UNC79: variants seen among roughly 807,000 people sequenced by gnomAD.
The protein encoded by UNC79 is protein unc-79 homolog.
A neutral mutation model predicts 283.1 loss-of-function variants in UNC79; 37 were observed. That is an observed-to-expected ratio of 0.13 (90% confidence interval 0.10 to 0.17). The LOEUF is 0.17. Ranked by LOEUF, UNC79 falls within the 10% of genes least tolerant of loss-of-function variation. The pLI is 1.00. For missense variants in UNC79, 2,272 were observed against 3,211.1 expected, an observed-to-expected ratio of 0.71 and a Z score of 7.07; for synonymous variants, 1,107 against 1,200.2, an observed-to-expected ratio of 0.92 and a Z score of 1.61.
intron 16 of UNC79, among the ~76,000 whole-genome samples, chr14:93,574,177 G>T (rs1235870821): frequency 7.6e-6 from 1 of 132,236 alleles, no homozygotes; most frequent in African/African-American, 2.7e-5. Flanking sequence ...TGCTCTTTGG[G>T]GATAAGCCCA....
chr14:93,541,949 G>A (rs2061397284), intron 13 of UNC79, among the ~76,000 whole-genome samples: 1 of 146,102 alleles, frequency 6.8e-6, no homozygotes, highest in Admixed American at 7.0e-5. Flanking sequence ...AGCTTGCAGT[G>A]AGCCGAGATC....
At chr14:93,643,365 A>G (rs943319) in intron 33 of UNC79, among the ~76,000 whole-genome samples, 192 bp from the exon 37 acceptor site, 111,199 of 152,044 alleles carry the variant, frequency 0.73, 41,303 homozygotes, top group African/African-American at 0.85. Context: ...CGTGGTCTCT[A>G]CCATGTGTGC....
At chr14:93,556,452 A>G (rs2062178762) in intron 14 of UNC79, among the ~76,000 whole-genome samples, 2 of 152,200 alleles carry the variant, frequency 1.3e-5, no homozygotes, top group Non-Finnish European at 2.9e-5. Context: ...CAGGTAACAT[A>G]ATGCAAAACA....
intron 10 of UNC79, among the ~76,000 whole-genome samples, chr14:93,532,327 T>A (rs1417098849): frequency 6.8e-6 from 1 of 147,104 alleles, no homozygotes. Flanking sequence ...AAAAATTAGC[T>A]GGGCATGGAA....
At chr14:93,486,657 G>T (rs7141036) in intron 4 of UNC79, among the ~76,000 whole-genome samples, 1 of 138,974 alleles carries the variant, frequency 7.2e-6, no homozygotes, top group African/African-American at 2.7e-5. Flanking sequence ...TCTGTCTAAG[G>T]AAAAAAAAAA....
chr14:93,488,875 C>A (rs1337221025), intron 5 of UNC79, among the ~76,000 whole-genome samples: 1 of 152,178 alleles, frequency 6.6e-6, no homozygotes, highest in Non-Finnish European at 1.5e-5. Context: ...GCCCTAATGA[C>A]CTAATTACTT....
intron 40 of UNC79, among the ~76,000 whole-genome samples, chr14:93,665,848 T>C (rs2072140771): frequency 1.3e-5 from 2 of 152,082 alleles, no homozygotes; most frequent in South Asian, 4.1e-4. Flanking sequence ...TAATAGATTC[T>C]TACTGAAACA....
chr14:93,423,568 C>T (rs1185966772), intron 1 of UNC79, among the ~76,000 whole-genome samples: 1 of 152,196 alleles, frequency 6.6e-6, no homozygotes, highest in Non-Finnish European at 1.5e-5. Flanking sequence ...CATACATCTA[C>T]AGTGAATTCA....
chr14:93,508,635 T>C (rs1393411639), intron 7 of UNC79, among the ~76,000 whole-genome samples: 1 of 152,250 alleles, frequency 6.6e-6, no homozygotes, highest in South Asian at 2.1e-4. Flanking sequence ...TTTGAATTTT[T>C]TTATGCCATT....
intron 29 of UNC79, among the ~76,000 whole-genome samples, chr14:93,620,032 T>C (rs1188513928): frequency 6.6e-6 from 1 of 152,238 alleles, no homozygotes; most frequent in Non-Finnish European, 1.5e-5. Context: ...TTTTGGGGTT[T>C]ATCTTGGATT....
At chr14:93,637,084 C>A in intron 31 of UNC79, 132 bp from the exon 35 acceptor site, 1 of 697,408 alleles carries the variant, frequency 1.4e-6, no homozygotes, top group South Asian at 1.6e-5. Context: ...AGGATGTGTT[C>A]TGTAAATGTT....
chr14:93,450,028 A>C (rs1012247015), intron 1 of UNC79, among the ~76,000 whole-genome samples: 3 of 152,282 alleles, frequency 2.0e-5, no homozygotes, highest in Admixed American at 2.0e-4. Context: ...TCTAAATTCA[A>C]CTTCCTTGAG....
chr14:93,410,662 C>A (rs2140047892), intron 1 of UNC79, among the ~76,000 whole-genome samples: 1 of 152,158 alleles, frequency 6.6e-6, no homozygotes, highest in South Asian at 2.1e-4. Context: ...AGTAATGAGG[C>A]CCCCTTTCTA....
At chr14:93,657,818 G>A (rs1262269139) in intron 38 of UNC79, among the ~76,000 whole-genome samples, 1 of 152,212 alleles carries the variant, frequency 6.6e-6, no homozygotes, top group Non-Finnish European at 1.5e-5. Flanking sequence ...AAGGAGAAAA[G>A]ATAATAAGGA....
At chr14:93,502,650 G>A (rs1038911819) in intron 7 of UNC79, among the ~76,000 whole-genome samples, 1 of 152,140 alleles carries the variant, frequency 6.6e-6, no homozygotes, top group Non-Finnish European at 1.5e-5. Flanking sequence ...TTTAGCCTTT[G>A]TTAGTAAGGA....
Position 93,404,493 on chromosome 14 carries a change from A to T in UNC79, c.-350-63178A>T, listed in dbSNP as rs201421534. Reference sequence around the variant, plus strand: ...TGACAGAGTGAGACCTTCTAAAAAAAATATATATATATATATATATAAATA... The same window carrying T: ...TGACAGAGTGAGACCTTCTAAAAAATATATATATATATATATATATAAATA... On this transcript the variant is annotated intron_variant, in intron 1 of 49. Coordinates refer to the UNC79 transcript ENST00000256339. Among the ~76,000 whole-genome samples the T allele has an allele frequency of 5.4e-4, 33 of 61,504 alleles. 2 individuals carry two copies. Among genetic ancestry groups the T allele is most frequent in the East Asian group, 4.2e-3 (15 of 3,606 alleles). The allele number at this position is 61,504 out of a possible 152,430, so 40.3% of individuals were successfully genotyped here. A position where few individuals can be genotyped will look rare whatever the true frequency, so the allele number is the denominator to read the frequency against.
At chr14:93,682,134 T>C (rs2073896105) in intron 41 of UNC79, among the ~76,000 whole-genome samples, 1 of 152,034 alleles carries the variant, frequency 6.6e-6, no homozygotes, top group Non-Finnish European at 1.5e-5. Flanking sequence ...AGGATACATG[T>C]GGATGAATAG....
intron 43 of UNC79, among the ~76,000 whole-genome samples, chr14:93,687,266 G>A (rs1441792349): frequency 6.6e-6 from 1 of 152,170 alleles, no homozygotes; most frequent in Non-Finnish European, 1.5e-5. Context: ...CTTGATGAAA[G>A]GGGATAGAAC....
At chr14:93,357,402 G>A (rs1010484299) in intron 1 of UNC79, among the ~76,000 whole-genome samples, 1 of 152,018 alleles carries the variant, frequency 6.6e-6, no homozygotes, top group Non-Finnish European at 1.5e-5. Context: ...TCAGTGGGCT[G>A]CGAAAGGCAA....
Sources: gnomAD v4.1 joint callset for allele counts (sites outside exome capture counted in the v4.1 genomes callset) on GRCh38, gnomAD v4.1.1 for gene constraint, MANE v1.5 for transcripts, NCBI Gene and HGNC (gene_info 2026-07-23, HGNC 2026-07-21) for gene names.